The following CYP27C1 variants were observed in gnomAD, a reference collection of about 807,000 sequenced individuals.
CYP27C1 encodes the protein cytochrome P450 27C1.
In CYP27C1, 29 loss-of-function variants were observed where a neutral mutation model predicts 40.6. That is an observed-to-expected ratio of 0.71 (90% CI 0.53 to 0.97). The LOEUF (loss-of-function observed/expected upper bound fraction) is 0.97, where lower values mean the gene tolerates loss of function less well. Ranked by LOEUF, CYP27C1 falls within the 50% of genes least tolerant of loss-of-function variation. The pLI is 0.00. For synonymous variants in CYP27C1, 198 were observed against 186.8 expected (o/e 1.06, Z -0.49); for missense variants, 390 against 485.8 (o/e 0.80, Z 1.85).
Position 127,196,136 on chromosome 2 carries a change from C to A in CYP27C1, c.1048-635G>T, listed in dbSNP as rs1682899775. On this transcript the variant is annotated intron_variant, in intron 5 of 8. Coordinates refer to ENST00000664447, the MANE Select transcript of CYP27C1 (RefSeq NM_001367502.1). This position sits in a 1 kb window ranked among gnomAD's most constrained non-coding sequence, Gnocchi z 4.5. ...GGAATGCAGTGACGCGATCTCGGCTCACTGCAAGCTCTGCCTCCCGGGTTC... is the reference window on the plus strand; with the variant it reads ...GGAATGCAGTGACGCGATCTCGGCTAACTGCAAGCTCTGCCTCCCGGGTTC... Among the ~76,000 whole-genome samples the A allele has an allele frequency of 6.6e-6, 1 of 151,958 alleles. No individual in the cohort carries two copies. The highest frequency in any genetic ancestry group is 6.5e-5 in the Admixed American group (1 of 15,274).
intron 7 of CYP27C1, among the ~76,000 whole-genome samples, chr2:127,193,539 T>C (rs1207285534): frequency 6.6e-6 from 1 of 152,166 alleles, no homozygotes; most frequent in Non-Finnish European, 1.5e-5. Context: ...GACTGGCCAC[T>C]TCCACACGGC....
intron 2 of CYP27C1, 76 bp downstream of exon 2, chr2:127,205,824 A>G: frequency 5.3e-6 from 5 of 935,346 alleles, no homozygotes; most frequent in Non-Finnish European, 6.3e-6. Flanking sequence ...GCTTTTAGGA[A>G]CTCAGCTTTG....
intron 5 of CYP27C1, among the ~76,000 whole-genome samples, chr2:127,197,887 A>G (rs1682940598): frequency 6.6e-6 from 1 of 151,040 alleles, no homozygotes; most frequent in Admixed American, 6.7e-5. Flanking sequence ...TGCCACCCCC[A>G]GCCAGCCAAA....
intron 8 of CYP27C1, among the ~76,000 whole-genome samples, chr2:127,191,322 A>C (rs1469142689): frequency 1.3e-5 from 2 of 152,206 alleles, no homozygotes; most frequent in East Asian, 3.9e-4. Context: ...TTAAGCAAAA[A>C]CTTTAGCAGT....
Position 127,193,887 on chromosome 2 carries a change from G to C in CYP27C1, c.1215-20C>G, listed in dbSNP as rs745545844. On this transcript the variant is annotated intron_variant, in intron 6 of 8. Coordinates refer to ENST00000664447, the MANE Select transcript of CYP27C1 (RefSeq NM_001367502.1). ...AACAGCCTGGAAAAGAGCCAGCGGG[G>C]ACGGGAATGGCGTGGTGACTTTCAC... 1.2e-5 allele frequency: 20 copies of C among 1,613,806 alleles called. No homozygotes were observed. The highest frequency in any genetic ancestry group is 1.4e-5 in the Non-Finnish European group (17 of 1,179,798).
chr2:127,204,563 AAG>A (rs1683170492), intron 2 of CYP27C1, among the ~76,000 whole-genome samples: 1 of 47,636 alleles, frequency 2.1e-5, no homozygotes, highest in Non-Finnish European at 4.1e-5. Flanking sequence ...GAGAGAAAGA[AAG>A]AAAGAAAGAA....
intron 2 of CYP27C1, among the ~76,000 whole-genome samples, chr2:127,203,797 A>G (rs1297269864): frequency 6.6e-6 from 1 of 152,212 alleles, no homozygotes; most frequent in Non-Finnish European, 1.5e-5. Context: ...GCAAACTTTA[A>G]GGAAAAAACT....
chr2:127,214,046 C>T (rs1406232215), intron 1 of CYP27C1, among the ~76,000 whole-genome samples: 1 of 152,008 alleles, frequency 6.6e-6, no homozygotes, highest in Non-Finnish European at 1.5e-5. Context: ...ATGTAGACAA[C>T]AAACATGAAA....
chr2:127,202,933 C>T (rs1683070499), intron 3 of CYP27C1, among the ~76,000 whole-genome samples: 1 of 152,028 alleles, frequency 6.6e-6, no homozygotes, highest in African/African-American at 2.4e-5. Flanking sequence ...CTTTGGGAGG[C>T]CAAGGCGGGC....
intron 2 of CYP27C1, 109 bp from the exon 3 acceptor site, chr2:127,203,680 G>A: frequency 9.0e-7 from 1 of 1,107,216 alleles, no homozygotes; most frequent in South Asian, 1.5e-5. Flanking sequence ...AACAAGAGCT[G>A]CCCAACAAAG....
chr2:127,215,509 G>A (rs1683414741), intron 1 of CYP27C1, among the ~76,000 whole-genome samples: 1 of 151,876 alleles, frequency 6.6e-6, no homozygotes, highest in Non-Finnish European at 1.5e-5. Flanking sequence ...AGTAACAAAA[G>A]AAAAAAATCG....
Position 127,205,927 on chromosome 2 carries a change from C to G in CYP27C1, c.446G>C (p.Arg149Pro), listed in dbSNP as rs931735893. 6.6e-6 allele frequency among the ~76,000 whole-genome samples: 1 copy of G among 152,212 alleles called. No individual in the cohort carries two copies. Among genetic ancestry groups the G allele is most frequent in the African/African-American group, 2.4e-5 (1 of 41,464 alleles). Residue 149 changes from arginine (R) to proline (P), a missense_variant, in exon 2 of 9, where the codon CGG becomes CCG. Coordinates refer to ENST00000664447, the MANE Select transcript of CYP27C1 (RefSeq NM_001367502.1). ...MESWREYRDLRGRATGLISAE... is the reference protein window; with the variant it reads ...MESWREYRDLPGRATGLISAE... The stretch of plus-strand genomic sequence containing the variant: ...CGAGATGAGCCCGGTGGCTCTCCCC[C>G]GCAAGTCTCGGTACTCCCGCCAGGA...
intron 5 of CYP27C1, among the ~76,000 whole-genome samples, chr2:127,198,184 G>GACACAC (rs1205361557): frequency 0.023 from 1,270 of 56,214 alleles, 21 homozygotes; most frequent in African/African-American, 0.076. Context: ...GGAATTTGTT[G>GACACAC]ATACACACAC....
Position 127,195,249 on chromosome 2 carries a change from G to C in CYP27C1, c.1214+86C>G. On this transcript the variant is annotated intron_variant, in intron 6 of 8. Coordinates refer to ENST00000664447, the MANE Select transcript of CYP27C1 (RefSeq NM_001367502.1). The surrounding 1 kb of genome is among the most constrained non-coding windows in gnomAD (Gnocchi z 6.2). ...CATCCTCATCCTGAACAGGTCAGCC[G>C]GGGGGGCATTTGGAGGACTTGTTGT... is the stretch of plus-strand genomic sequence containing the variant. 4 of 1,533,808 alleles carry C rather than the reference G, an allele frequency of 2.6e-6. No individual in the cohort carries two copies. The South Asian group carries it at 3.5e-5, about 14-fold the overall frequency.
chr2:127,204,351 G>GGAGGGA (rs1683117285), intron 2 of CYP27C1, among the ~76,000 whole-genome samples: 1 of 31,894 alleles, frequency 3.1e-5, no homozygotes, highest in Non-Finnish European at 5.3e-5. Flanking sequence ...GGAGGAGGGA[G>GGAGGGA]GGGGGAGGGA....
intron 1 of CYP27C1, among the ~76,000 whole-genome samples, chr2:127,211,531 C>T (rs1683339432): frequency 1.3e-5 from 2 of 151,636 alleles, no homozygotes; most frequent in South Asian, 2.1e-4. Flanking sequence ...TACAGGCGCC[C>T]GCTACCACGC....
At chr2:127,202,211 G>A (rs1268158336) in intron 3 of CYP27C1, among the ~76,000 whole-genome samples, 2 of 150,096 alleles carry the variant, frequency 1.3e-5, no homozygotes, top group South Asian at 2.1e-4. Flanking sequence ...TGCAACCTCC[G>A]CCTCTCTAGT....
Position 127,219,034 on chromosome 2 carries a change from T to G in CYP27C1, c.282+955A>C, listed in dbSNP as rs908727052. The stretch of plus-strand genomic sequence containing the variant: ...GTTCCTCCCACGTCCCTGCCTCCAG[T>G]CCCGGCGCGAACTCCAGGTGTCGCC... On this transcript the variant is annotated intron_variant, in intron 1 of 8. Coordinates refer to ENST00000664447, the MANE Select transcript of CYP27C1 (RefSeq NM_001367502.1). This position sits in a 1 kb window ranked among gnomAD's most constrained non-coding sequence, Gnocchi z 8.7. 6.6e-6 allele frequency among the ~76,000 whole-genome samples: 1 copy of G among 151,986 alleles called. No individual in the cohort carries two copies. The highest frequency in any genetic ancestry group is 1.5e-5 in the Non-Finnish European group (1 of 67,970).
chr2:127,212,635 C>G (rs1683359957), intron 1 of CYP27C1, among the ~76,000 whole-genome samples: 1 of 152,150 alleles, frequency 6.6e-6, no homozygotes, highest in South Asian at 2.1e-4. Context: ...ATTAAAAACT[C>G]TCAATAAACT....
Sources: allele counts gnomAD v4.1 joint callset (sites outside exome capture counted in the v4.1 genomes callset), GRCh38; gene constraint gnomAD v4.1.1; non-coding constraint Gnocchi (gnomAD v3.1); transcripts MANE v1.5; gene names NCBI Gene and HGNC (gene_info 2026-07-23, HGNC 2026-07-21).